ARHGAP35: variants seen among roughly 807,000 people sequenced by gnomAD.
ARHGAP35 encodes rho GTPase-activating protein 35.
ARHGAP35 carries 15 observed loss-of-function variants against 111.1 expected under a neutral mutation model. The ratio of observed to expected loss-of-function variants is 0.13; its 90% CI spans 0.09 to 0.21. The LOEUF (loss-of-function observed/expected upper bound fraction) is 0.21, where lower values mean the gene tolerates loss of function less well. Ranked by LOEUF, ARHGAP35 falls within the 10% of genes least tolerant of loss-of-function variation. The probability of loss-of-function intolerance (pLI) is 1.00; values close to 1 mark genes in which losing one functional copy is unlikely to be tolerated. For synonymous variants in ARHGAP35, 643 were observed against 710.3 expected, an observed-to-expected ratio of 0.91 and a Z score of 1.51; for missense variants, 1,262 against 1,873.0, an observed-to-expected ratio of 0.67 and a Z score of 6.02.
chr19:46,896,321 A>G (rs2056055833), intron 1 of ARHGAP35, among the ~76,000 whole-genome samples: 1 of 152,224 alleles, frequency 6.6e-6, no homozygotes, highest in African/African-American at 2.4e-5. Flanking sequence ...TCAAGGCTGC[A>G]GTGAGTGGTT....
intron 1 of ARHGAP35, among the ~76,000 whole-genome samples, chr19:46,899,275 T>G (rs2056072377): frequency 6.6e-6 from 1 of 152,128 alleles, no homozygotes. Context: ...GCAGGAATGC[T>G]CATGGCATGT....
chr19:46,990,914 C>T (rs1258468837), intron 5 of ARHGAP35, among the ~76,000 whole-genome samples: 1 of 152,204 alleles, frequency 6.6e-6, no homozygotes, highest in Non-Finnish European at 1.5e-5. Flanking sequence ...TGGATGCCAC[C>T]TTCACCTTAT....
intron 1 of ARHGAP35, among the ~76,000 whole-genome samples, chr19:46,869,949 T>C (rs1328648546): frequency 6.7e-6 from 1 of 149,862 alleles, no homozygotes; most frequent in Non-Finnish European, 1.5e-5. Context: ...TGTACTTTTT[T>C]TTTTTTTTTT....
At chr19:46,932,894 G>C (rs1027536133) in intron 2 of ARHGAP35, among the ~76,000 whole-genome samples, 1 of 152,120 alleles carries the variant, frequency 6.6e-6, no homozygotes, top group Non-Finnish European at 1.5e-5. Flanking sequence ...AAAGAGATAG[G>C]AGCAGTTGTC....
rs200839285 is a variant in ARHGAP35 at position 46,966,029 on chromosome 19, C to T, written c.3827-21960C>T. Among the ~76,000 whole-genome samples the T allele has an allele frequency of 8.5e-5, 13 of 152,290 alleles. No individual in the cohort carries two copies. The East Asian group carries it at 2.5e-3, about 29-fold the overall frequency. Reference sequence around the variant, plus strand: ...ATAAAGGAAGTATTAGTTGGAAACCCTCAGTCTCCCCAGCCTCAATACCTA... The same window carrying T: ...ATAAAGGAAGTATTAGTTGGAAACCTTCAGTCTCCCCAGCCTCAATACCTA... On this transcript the variant is annotated intron_variant, in intron 3 of 6. Transcript: ENST00000672722.
intron 1 of ARHGAP35, among the ~76,000 whole-genome samples, chr19:46,893,860 CAT>C (rs1280008790): frequency 1.4e-5 from 2 of 146,788 alleles, no homozygotes; most frequent in African/African-American, 5.0e-5. Context: ...TCTGCCTTAA[CAT>C]AAGTTCGTTC....
rs754499744 is a variant in ARHGAP35 at position 46,999,417 on chromosome 19, G to T, written c.4142+8G>T. On this transcript the variant is annotated splice_region_variant and intron_variant, in intron 6 of 6. Transcript: ENST00000672722. The surrounding 1 kb of genome is among the most constrained non-coding windows in gnomAD (Gnocchi z 5.4). ...CATCTCTCACCTAAACAAGTAAGTC[G>T]CAGGGCCTTCTGGTTGGTTTTTCCT... The T allele has an allele frequency of 6.4e-7, 1 of 1,552,818 alleles. No individual in the cohort carries two copies. Among genetic ancestry groups the T allele is most frequent in the Non-Finnish European group, 8.8e-7 (1 of 1,142,374 alleles).
rs2056411656 is a variant in ARHGAP35, at chr19:46,951,309, G to A, written c.3826+13901G>A. Among the ~76,000 whole-genome samples the A allele has an allele frequency of 2.0e-5, 3 of 152,192 alleles. No individual in the cohort carries two copies. The South Asian group carries it at 6.2e-4, about 31-fold the overall frequency. Reference sequence around the variant, plus strand: ...TCATAACAAATACATCCAGGACAGGGGGCGGGGATGGGGAAAGTACAGAAT... The same window carrying A: ...TCATAACAAATACATCCAGGACAGGAGGCGGGGATGGGGAAAGTACAGAAT... On this transcript the variant is annotated intron_variant, in intron 3 of 6. Transcript: ENST00000672722.
intron 1 of ARHGAP35, among the ~76,000 whole-genome samples, chr19:46,872,764 C>T: frequency 6.6e-6 from 1 of 151,874 alleles, no homozygotes; most frequent in Non-Finnish European, 1.5e-5. Context: ...GCCTGTAGTC[C>T]CAGCTACTCA....
In ARHGAP35 at chr19:46,994,760, G is replaced by A. The variant is rs1225938692; in HGVS notation, c.4037-4544G>A. On this transcript the variant is annotated intron_variant, in intron 5 of 6. Coordinates refer to ENST00000672722, the MANE Select transcript of ARHGAP35 (RefSeq NM_004491.5). The surrounding 1 kb of genome is among the most constrained non-coding windows in gnomAD (Gnocchi z 5.4). ...TTGTCCCCTACTGCATCCCCAGTGT[G>A]TAAAATAGTACCCAGGCAGGAGCGG... Among the ~76,000 whole-genome samples the A allele has an allele frequency of 2.0e-5, 3 of 152,174 alleles. No individual in the cohort carries two copies. Among genetic ancestry groups the A allele is most frequent in the Admixed American group, 6.5e-5 (1 of 15,290 alleles).
intron 3 of ARHGAP35, among the ~76,000 whole-genome samples, chr19:46,982,006 CA>C (rs1474293286): frequency 1.3e-5 from 2 of 152,132 alleles, no homozygotes; most frequent in Admixed American, 1.3e-4. Context: ...AGCATGACAC[CA>C]TGCCTGGCTA....
Position 46,963,243 on chromosome 19 carries a change from T to C in ARHGAP35, c.3827-24746T>C, listed in dbSNP as rs187437778. 2.2e-3 allele frequency among the ~76,000 whole-genome samples: 333 copies of C among 152,296 alleles called. 2 individuals are homozygous for C. Among genetic ancestry groups the C allele is most frequent in the Middle Eastern group, 6.8e-3 (2 of 294 alleles). On this transcript the variant is annotated intron_variant, in intron 3 of 6. Transcript: ENST00000672722. Reference sequence around the variant, plus strand: ...GCATAGTATGATTTTGAGCACTTCCTGTGGTCAAAAACTGTTGTCTTTGAT... The same window carrying C: ...GCATAGTATGATTTTGAGCACTTCCCGTGGTCAAAAACTGTTGTCTTTGAT...
intron 1 of ARHGAP35, among the ~76,000 whole-genome samples, chr19:46,888,175 A>G (rs2056002312): frequency 6.9e-6 from 1 of 144,210 alleles, no homozygotes; most frequent in Non-Finnish European, 1.5e-5. Flanking sequence ...GATGGTCTCG[A>G]TCTCCTGACC....
In ARHGAP35 at chr19:47,001,339, T is replaced by G; in HGVS notation, c.*651T>G. 3 of 1,290,252 alleles carry G rather than the reference T, an allele frequency of 2.3e-6. No individual in the cohort carries two copies. Among genetic ancestry groups the G allele is most frequent in the Non-Finnish European group, 2.0e-6 (2 of 989,144 alleles). The allele number at this position is 1,290,252 out of a possible 1,614,324, so 79.9% of individuals were successfully genotyped here. A position where few individuals can be genotyped will look rare whatever the true frequency, so the allele number is the denominator to read the frequency against. ...ATCCCCACCGTCCCACTCCACAGCC[T>G]TCCCGAAACATTCCCTGGCAAACAA... is the stretch of plus-strand genomic sequence containing the variant. On this transcript the variant is annotated 3_prime_UTR_variant, in exon 7 of 7. Transcript: ENST00000672722. The surrounding 1 kb of genome is among the most constrained non-coding windows in gnomAD (Gnocchi z 5.4).
At chr19:46,950,563 G>A (rs937231671) in intron 3 of ARHGAP35, among the ~76,000 whole-genome samples, 2 of 152,254 alleles carry the variant, frequency 1.3e-5, no homozygotes, top group Non-Finnish European at 2.9e-5. Context: ...GGCAGAGGCA[G>A]TCAGGGGATC....
chr19:46,910,980 A>G, intron 1 of ARHGAP35, among the ~76,000 whole-genome samples: 1 of 152,190 alleles, frequency 6.6e-6, no homozygotes, highest in Non-Finnish European at 1.5e-5. Flanking sequence ...TGCTGGGATT[A>G]CAGGTGTGAG....
At chr19:46,875,642 G>A (rs1224459791) in intron 1 of ARHGAP35, among the ~76,000 whole-genome samples, 1 of 152,092 alleles carries the variant, frequency 6.6e-6, no homozygotes. Flanking sequence ...GCTTGCCACA[G>A]TCTTTTTATT....
chr19:46,964,521 G>A (rs151119004), intron 3 of ARHGAP35, among the ~76,000 whole-genome samples: 18 of 152,198 alleles, frequency 1.2e-4, no homozygotes, highest in Non-Finnish European at 2.2e-4. Flanking sequence ...GCCTCCTAAA[G>A]TGGTGGGATT....
intron 1 of ARHGAP35, among the ~76,000 whole-genome samples, chr19:46,863,014 C>G (rs1157914109): frequency 1.3e-5 from 2 of 152,116 alleles, no homozygotes; most frequent in Non-Finnish European, 2.9e-5. Context: ...ATATCCCTCT[C>G]CCAATTCTGT....
Sources: gnomAD v4.1 joint callset for allele counts (sites outside exome capture counted in the v4.1 genomes callset) on GRCh38, gnomAD v4.1.1 for gene constraint, Gnocchi (gnomAD v3.1) non-coding constraint, MANE v1.5 for transcripts, NCBI Gene and HGNC (gene_info 2026-07-23, HGNC 2026-07-21) for gene names.